INPP5F: variants seen among roughly 807,000 people sequenced by gnomAD.
INPP5F encodes the protein inositol polyphosphate-5-phosphatase F.
Under a neutral mutation model 137.2 loss-of-function variants are expected in INPP5F, and 97 were observed. That is an observed-to-expected ratio of 0.71 (90% CI 0.60 to 0.84). The LOEUF (loss-of-function observed/expected upper bound fraction) is 0.84, where lower values mean the gene tolerates loss of function less well. INPP5F is among the 40% of genes least tolerant of loss of function. The probability of loss-of-function intolerance (pLI) is 0.00; values close to 1 mark genes in which losing one functional copy is unlikely to be tolerated. For synonymous variants in INPP5F, 504 were observed against 476.9 expected (o/e 1.06, Z -0.74); for missense variants, 1,271 against 1,371.9 (o/e 0.93, Z 1.16).
intron 14 of INPP5F, among the ~76,000 whole-genome samples, chr10:119,811,386 G>A (rs1448819571): frequency 1.3e-5 from 2 of 152,146 alleles, no homozygotes; most frequent in Non-Finnish European, 2.9e-5. Context: ...CCACCAAGAG[G>A]AAGTTAGCTT....
chr10:119,746,017 T>C (rs1314491846), intron 1 of INPP5F, among the ~76,000 whole-genome samples: 4 of 152,112 alleles, frequency 2.6e-5, no homozygotes, highest in African/African-American at 9.7e-5. Context: ...CATTACTGTT[T>C]ATTCAAGTTT....
chr10:119,741,142 C>T (rs1211469161), intron 1 of INPP5F, among the ~76,000 whole-genome samples: 1 of 152,210 alleles, frequency 6.6e-6, no homozygotes, highest in African/African-American at 2.4e-5. Context: ...CAGACTACAT[C>T]TATAGCACAT....
intron 15 of INPP5F, among the ~76,000 whole-genome samples, chr10:119,820,621 C>T (rs1851519430): frequency 2.0e-5 from 3 of 152,166 alleles, no homozygotes; most frequent in Admixed American, 6.5e-5. Context: ...CCTTTCTCTA[C>T]GCTCCATCCC....
At chr10:119,807,868 T>A in intron 12 of INPP5F, 64 bp from the exon 13 acceptor site, 1 of 1,465,716 alleles carries the variant, frequency 6.8e-7, no homozygotes, top group Non-Finnish European at 9.2e-7. Flanking sequence ...TTTTCTGCAG[T>A]ACACATTTTT....
At chr10:119,727,366 C>A (rs866548633) in intron 1 of INPP5F, among the ~76,000 whole-genome samples, 1 of 152,206 alleles carries the variant, frequency 6.6e-6, no homozygotes, top group East Asian at 1.9e-4. Flanking sequence ...CAGATCACAG[C>A]GTGGTATCAC....
At chr10:119,727,295 G>C (rs188655102) in intron 1 of INPP5F, among the ~76,000 whole-genome samples, 5 of 152,336 alleles carry the variant, frequency 3.3e-5, no homozygotes, top group African/African-American at 1.2e-4. Flanking sequence ...CTTATGTGCA[G>C]TCTAGACAGA....
intron 2 of INPP5F, among the ~76,000 whole-genome samples, chr10:119,777,985 A>G (rs1355961772): frequency 6.6e-6 from 1 of 152,058 alleles, no homozygotes; most frequent in Non-Finnish European, 1.5e-5. Context: ...TGAAAATATT[A>G]TATATCCTTT....
intron 2 of INPP5F, among the ~76,000 whole-genome samples, chr10:119,754,958 A>G (rs1382060202): frequency 2.0e-5 from 3 of 152,208 alleles, no homozygotes; most frequent in Non-Finnish European, 2.9e-5. Flanking sequence ...TGAGGGGAAT[A>G]AAATGTCTAT....
chr10:119,804,376 T>G, intron 10 of INPP5F, 79 bp downstream of exon 10: 1 of 1,173,028 alleles, frequency 8.5e-7, no homozygotes, highest in Non-Finnish European at 1.1e-6. Flanking sequence ...TTAGTTTCTC[T>G]TCTTTGCTGG....
At chr10:119,782,930 A>G (rs921075647) in intron 3 of INPP5F, among the ~76,000 whole-genome samples, 1 of 152,216 alleles carries the variant, frequency 6.6e-6, no homozygotes, top group African/African-American at 2.4e-5. Flanking sequence ...AAGAATAAGT[A>G]AAAATAAAAC....
At chr10:119,769,849 C>T (rs147768633) in intron 2 of INPP5F, among the ~76,000 whole-genome samples, 47 of 152,292 alleles carry the variant, frequency 3.1e-4, no homozygotes, top group Middle Eastern at 6.8e-3. Context: ...CTCCAGCTTG[C>T]AGATGGCAGA....
chr10:119,749,282 C>T (rs1848626338), intron 1 of INPP5F, among the ~76,000 whole-genome samples: 2 of 152,234 alleles, frequency 1.3e-5, no homozygotes, highest in Non-Finnish European at 2.9e-5. Context: ...TAGGGGGCAG[C>T]GCTCCCGCTT....
rs1023915060 is a variant in INPP5F at position 119,802,439 on chromosome 10, C to T, written c.1117-1734C>T. On this transcript the variant is annotated intron_variant, in intron 9 of 19. Transcript: ENST00000650623. ...AGTCAGTTGACTCAAATTTGTCATC[C>T]GCAGCAAAAAAAGCCACCTTGACAC... 3.3e-5 allele frequency among the ~76,000 whole-genome samples: 5 copies of T among 152,052 alleles called. No homozygotes were observed. In the South Asian group the frequency reaches 8.3e-4, roughly 25 times the overall value.
chr10:119,735,098 ATACTGGTAG>A (rs1471321695), intron 1 of INPP5F, among the ~76,000 whole-genome samples: 1 of 152,220 alleles, frequency 6.6e-6, no homozygotes, highest in Non-Finnish European at 1.5e-5. Flanking sequence ...TTCACAAGAC[ATACTGGTAG>A]TACCTTAATT....
At position 119,787,222 on chromosome 10, in the gene INPP5F, G is replaced by A. The variant is rs1849950338; in HGVS notation, c.316-4295G>A. Among the ~76,000 whole-genome samples, 1 of 152,144 alleles carries A rather than the reference G, an allele frequency of 6.6e-6. No homozygotes were observed. The highest frequency in any genetic ancestry group is 6.6e-5 in the Admixed American group (1 of 15,260). On this transcript the variant is annotated intron_variant, in intron 3 of 19. Coordinates refer to ENST00000650623, the MANE Select transcript of INPP5F (RefSeq NM_014937.4). This position sits in a 1 kb window ranked among gnomAD's most constrained non-coding sequence, Gnocchi z 4.1. ...TTTTGGATTTTGGAATTGTACATAA[G>A]GAAGTTAAGGGATGATGGGCTTATA... is the stretch of plus-strand genomic sequence containing the variant.
intron 1 of INPP5F, among the ~76,000 whole-genome samples, chr10:119,727,986 C>T (rs1564794562): frequency 2.6e-5 from 4 of 152,214 alleles, no homozygotes; most frequent in African/African-American, 9.6e-5. Flanking sequence ...TCGTCTCCAA[C>T]TCATCTGACA....
chr10:119,802,465 A>G (rs1364470290), intron 9 of INPP5F, among the ~76,000 whole-genome samples: 1 of 152,200 alleles, frequency 6.6e-6, no homozygotes, highest in Non-Finnish European at 1.5e-5. Flanking sequence ...ACCTTGACAC[A>G]TGCATATACA....
At chr10:119,763,827 T>A (rs1266922222) in intron 2 of INPP5F, among the ~76,000 whole-genome samples, 1 of 152,252 alleles carries the variant, frequency 6.6e-6, no homozygotes, top group Non-Finnish European at 1.5e-5. Context: ...ACTTCATCTT[T>A]GACATTTTGC....
chr10:119,756,790 TAGA>T (rs1270675363), intron 2 of INPP5F, among the ~76,000 whole-genome samples: 1 of 143,318 alleles, frequency 7.0e-6, no homozygotes, highest in Non-Finnish European at 1.5e-5. Context: ...AAATATATGA[TAGA>T]AGAATTTCAA....
Sources: gnomAD v4.1 joint callset for allele counts (sites outside exome capture counted in the v4.1 genomes callset) on GRCh38, gnomAD v4.1.1 for gene constraint, Gnocchi (gnomAD v3.1) non-coding constraint, MANE v1.5 for transcripts, NCBI Gene and HGNC (gene_info 2026-07-23, HGNC 2026-07-21) for gene names.